TNFAIP8: variants seen among roughly 807,000 people sequenced by gnomAD.
TNFAIP8 encodes the protein TNF alpha induced protein 8.
TNFAIP8 carries 7 observed loss-of-function variants against 13.3 expected under a neutral mutation model. That is an observed-to-expected ratio of 0.52 (90% CI 0.30 to 0.99). The LOEUF (loss-of-function observed/expected upper bound fraction) is 0.99. Among genes scored for constraint, TNFAIP8 ranks in the 50% least tolerant of loss-of-function variants. The pLI is 0.07. For missense variants in TNFAIP8, 258 were observed against 236.9 expected, an observed-to-expected ratio of 1.09 and a Z score of -0.58; for synonymous variants, 94 against 87.6, an observed-to-expected ratio of 1.07 and a Z score of -0.41.
chr5:119,353,831 G>A (rs936365125), upstream of TNFAIP8, among the ~76,000 whole-genome samples: 1 of 152,232 alleles, frequency 6.6e-6, no homozygotes, highest in Non-Finnish European at 1.5e-5. Flanking sequence ...TAATTCTGCT[G>A]TAGGCAGATT....
chr5:119,292,679 TATATATACACACACAC>T (rs1191829870), intron 1 of TNFAIP8, among the ~76,000 whole-genome samples: 1,814 of 38,442 alleles, frequency 0.047, 245 homozygotes, highest in East Asian at 0.088. Context: ...TATATATATA[TATATATACACACACAC>T]ACAATGAAAT....
At chr5:119,340,335 T>G (rs1750696144) in intron 1 of TNFAIP8, among the ~76,000 whole-genome samples, 1 of 152,220 alleles carries the variant, frequency 6.6e-6, no homozygotes, top group African/African-American at 2.4e-5. Flanking sequence ...TGAGCTAGAC[T>G]GCCCATGTGG....
chr5:119,340,358 C>A (rs766768958), intron 1 of TNFAIP8, among the ~76,000 whole-genome samples: 3 of 152,184 alleles, frequency 2.0e-5, no homozygotes, highest in African/African-American at 7.2e-5. Flanking sequence ...CACAGAAATT[C>A]GATTCAGGAA....
chr5:119,278,569 T>C (rs1285215631), intron 1 of TNFAIP8, among the ~76,000 whole-genome samples: 1 of 152,070 alleles, frequency 6.6e-6, no homozygotes, highest in Admixed American at 6.6e-5. Flanking sequence ...AAAGTGAGTA[T>C]TGGGCATTGA....
At position 119,394,224 on chromosome 5, in the gene TNFAIP8, TAAGA is replaced by T. The variant is rs1753009554; in HGVS notation, c.*847_*850del. 6.6e-6 allele frequency: 1 copy of T among 152,056 alleles called. No homozygotes were observed. The highest frequency in any genetic ancestry group is 2.4e-5 in the African/African-American group (1 of 41,310). 9.4% of individuals were successfully genotyped at this position (152,056 alleles called of 1,614,324 possible). A position where few individuals can be genotyped will look rare whatever the true frequency, so the allele number is the denominator to read the frequency against. On this transcript the variant is annotated 3_prime_UTR_variant, in exon 2 of 2. Coordinates refer to ENST00000504771, the MANE Select transcript of TNFAIP8 (RefSeq NM_014350.4). ...TGAGATAATAAAAAGTAAGTAGCAT[TAAGA>T]AAGGTAACAATCTTCATTCTACAGA... is the stretch of plus-strand genomic sequence containing the variant.
At chr5:119,319,420 T>C (rs1749989758) in intron 1 of TNFAIP8, among the ~76,000 whole-genome samples, 1 of 152,222 alleles carries the variant, frequency 6.6e-6, no homozygotes, top group Non-Finnish European at 1.5e-5. Context: ...AAAACTTGAT[T>C]TAATGAGAAC....
intron 1 of TNFAIP8, among the ~76,000 whole-genome samples, chr5:119,326,443 C>G (rs1213469599): frequency 6.6e-6 from 1 of 152,128 alleles, no homozygotes. Flanking sequence ...AGCAGGTGAG[C>G]AGAGGCCCAG....
At chr5:119,315,744 C>T (rs536697652) in intron 1 of TNFAIP8, among the ~76,000 whole-genome samples, 6 of 152,172 alleles carry the variant, frequency 3.9e-5, no homozygotes, top group Non-Finnish European at 8.8e-5. Context: ...TTGCTGTCAG[C>T]TCCTGACAGG....
At chr5:119,304,679 G>A (rs940751363) in intron 1 of TNFAIP8, among the ~76,000 whole-genome samples, 1 of 152,166 alleles carries the variant, frequency 6.6e-6, no homozygotes. Context: ...TAACATAACT[G>A]TTCCTGTTTT....
intron 1 of TNFAIP8, among the ~76,000 whole-genome samples, chr5:119,311,847 GTT>G (rs758136429): frequency 6.6e-6 from 1 of 152,288 alleles, no homozygotes; most frequent in East Asian, 1.9e-4. Context: ...GGTTTATAGA[GTT>G]TGAGTGTTAA....
At chr5:119,283,112 G>A (rs1288737219) in intron 1 of TNFAIP8, among the ~76,000 whole-genome samples, 1 of 152,216 alleles carries the variant, frequency 6.6e-6, no homozygotes, top group East Asian at 1.9e-4. Flanking sequence ...CATTCACCAT[G>A]TGGTGATGAC....
rs188125519 is a variant in TNFAIP8, at chr5:119,322,150, C to A, written c.1+53243C>A. Among the ~76,000 whole-genome samples the A allele has an allele frequency of 3.3e-5, 5 of 152,300 alleles. No individual in the cohort carries two copies. In the East Asian group the frequency reaches 9.6e-4, roughly 29 times the overall value. On this transcript the variant is annotated intron_variant, in intron 1 of 1. Coordinates refer to the TNFAIP8 transcript ENST00000274456. The stretch of plus-strand genomic sequence containing the variant: ...AGCCTATCCAAAATGCTCCTCTCTC[C>A]CACCCACTCTCTAGCCCCTGCCTCT...
chr5:119,273,279 CTTAG>C (rs1748343059), intron 1 of TNFAIP8, among the ~76,000 whole-genome samples: 1 of 152,198 alleles, frequency 6.6e-6, no homozygotes, highest in Admixed American at 6.5e-5. Flanking sequence ...AAGTGGAGGA[CTTAG>C]TTAGATTGGC....
At chr5:119,325,739 T>C (rs111332768) in intron 1 of TNFAIP8, among the ~76,000 whole-genome samples, 14,521 of 152,246 alleles carry the variant, frequency 0.095, 812 homozygotes, top group African/African-American at 0.16. Context: ...TGAGCCACCG[T>C]GCCTGGCCTC....
At chr5:119,368,912 G>A (rs1196986216) in intron 1 of TNFAIP8, among the ~76,000 whole-genome samples, 3 of 152,034 alleles carry the variant, frequency 2.0e-5, no homozygotes, top group Non-Finnish European at 4.4e-5. Context: ...CTGCTATGCT[G>A]TACATTGAGC....
intron 1 of TNFAIP8, among the ~76,000 whole-genome samples, chr5:119,310,680 A>T (rs1749700562): frequency 6.6e-6 from 1 of 152,162 alleles, no homozygotes; most frequent in Admixed American, 6.5e-5. Context: ...ACTAAGAATT[A>T]GCTGGGTGTG....
rs73235281 is a variant in TNFAIP8 at position 119,327,455 on chromosome 5, T to G, written c.1+58548T>G. Among the ~76,000 whole-genome samples the G allele has an allele frequency of 5.4e-3, 827 of 152,168 alleles. 2 individuals are homozygous for G. The highest frequency in any genetic ancestry group is 0.019 in the African/African-American group (779 of 41,526). On this transcript the variant is annotated intron_variant, in intron 1 of 1. Coordinates refer to the TNFAIP8 transcript ENST00000274456. ...TTGGAAAAGGTTTTATTGTTTTGGG[T>G]TTTTTTGTTTGTTTGTTTTTTGAGA...
chr5:119,372,776 A>G (rs1239171079), intron 1 of TNFAIP8, among the ~76,000 whole-genome samples: 4 of 152,194 alleles, frequency 2.6e-5, no homozygotes, highest in African/African-American at 9.7e-5. Flanking sequence ...ACTGGTCAAC[A>G]TGGTGAAACC....
chr5:119,291,659 G>A (rs943008975), intron 1 of TNFAIP8, among the ~76,000 whole-genome samples: 1 of 152,194 alleles, frequency 6.6e-6, no homozygotes, highest in African/African-American at 2.4e-5. Context: ...ATATGTTTAT[G>A]GGATAAAATT....
Sources: allele counts gnomAD v4.1 joint callset (sites outside exome capture counted in the v4.1 genomes callset), GRCh38; gene constraint gnomAD v4.1.1; transcripts MANE v1.5; gene names NCBI Gene and HGNC (gene_info 2026-07-23, HGNC 2026-07-21).